Variants in DBNL observed in about 807,000 individuals in gnomAD.
DBNL encodes the protein drebrin-like protein.
DBNL carries 35 observed loss-of-function variants against 62.2 expected under a neutral mutation model. That is an observed-to-expected ratio of 0.56 (90% CI 0.43 to 0.75). The LOEUF (loss-of-function observed/expected upper bound fraction) is 0.75, where lower values mean the gene tolerates loss of function less well. Among genes scored for constraint, DBNL ranks in the 30% least tolerant of loss-of-function variants. DBNL has a pLI of 0.00. For missense variants in DBNL, 495 were observed against 578.4 expected, an observed-to-expected ratio of 0.86 and a Z score of 1.48; for synonymous variants, 197 against 218.0, an observed-to-expected ratio of 0.90 and a Z score of 0.85.
At position 44,065,352 on chromosome 7, in the gene DBNL, G is replaced by A. The variant is rs2096157795; in HGVS notation, c.*4436G>A. The A allele has an allele frequency of 6.2e-7, 1 of 1,613,730 alleles. No individual in the cohort carries two copies. Among genetic ancestry groups the A allele is most frequent in the Admixed American group, 1.7e-5 (1 of 60,016 alleles). On this transcript the variant is annotated 3_prime_UTR_variant, in exon 13 of 13. Transcript: ENST00000448521. ...CAGAGGGTGCGGATGGCCCGCTTCA[G>A]CACTGACGTGTAGCAGATGTCAAAC...
Position 44,068,189 on chromosome 7 carries a change from C to T in DBNL, c.*7273C>T, listed in dbSNP as rs1235723431. ...CCACCTTCTGCAGCTCCTTTCTGCC[C>T]CCCTGCGCTGGGCCCTGGATGCAGT... On this transcript the variant is annotated 3_prime_UTR_variant, in exon 13 of 13. Coordinates refer to ENST00000448521, the MANE Select transcript of DBNL (RefSeq NM_001014436.3). 1 of 152,114 alleles carries T rather than the reference C, an allele frequency of 6.6e-6. No individual in the cohort carries two copies. Among genetic ancestry groups the T allele is most frequent in the Non-Finnish European group, 1.5e-5 (1 of 68,062 alleles). The allele number at this position is 152,114 out of a possible 1,614,324, so 9.4% of individuals were successfully genotyped here.
chr7:44,051,846 G>C lies in DBNL; in HGVS notation c.156G>C (p.Glu52Asp). The C allele has an allele frequency of 1.2e-6, 2 of 1,614,150 alleles. No individual in the cohort carries two copies. The highest frequency in any genetic ancestry group is 8.5e-7 in the Non-Finnish European group (1 of 1,180,018). Residue 52 changes from glutamate (E) to aspartate (D), a missense_variant, in exon 3 of 13, where the codon GAG (glutamate) becomes GAC (aspartate). Physicochemically the swap from Glu to Asp is conservative, Grantham distance 45 (BLOSUM62 2). Transcript: ENST00000448521. Reference sequence around the variant, plus strand: ...CTGCTGCAGAGGGTGGCCTGGAGGAGATGGTGGAGGAGCTCAACAGCGGGA... The same window carrying C: ...CTGCTGCAGAGGGTGGCCTGGAGGACATGGTGGAGGAGCTCAACAGCGGGA... ...VAGTGEGGLE[E>D]MVEELNSGKV...
At chr7:44,050,324 A>T (rs762080110) in intron 2 of DBNL, 44 bp downstream of exon 2, 1 of 1,609,082 alleles carries the variant, frequency 6.2e-7, no homozygotes, top group South Asian at 1.1e-5. Flanking sequence ...AGGAGGTAGG[A>T]GGGTGACGAC....
Position 44,060,997 on chromosome 7 carries a change from A to G in DBNL, c.*81A>G, listed in dbSNP as rs1322131658. 4 of 1,532,620 alleles carry G rather than the reference A, an allele frequency of 2.6e-6. No individual in the cohort carries two copies. Among genetic ancestry groups the G allele is most frequent in the Non-Finnish European group, 3.5e-6 (4 of 1,138,894 alleles). The allele number at this position is 1,532,620 out of a possible 1,614,324, so 94.9% of individuals were successfully genotyped here. ...AGAGGAGGCCTGGGAGTTGACATTC[A>G]GCACTCTTCCAGGAATAGGACCCCC... On this transcript the variant is annotated 3_prime_UTR_variant, in exon 13 of 13. Coordinates refer to ENST00000448521, the MANE Select transcript of DBNL (RefSeq NM_001014436.3). This position sits in a 1 kb window ranked among gnomAD's most constrained non-coding sequence, Gnocchi z 6.3.
chr7:44,059,419 C>G lies in DBNL; in HGVS notation c.901C>G (p.Pro301Ala), dbSNP rs752627723. The G allele has an allele frequency of 3.7e-6, 6 of 1,613,996 alleles. No homozygotes were observed. The highest frequency in any genetic ancestry group is 4.2e-6 in the Non-Finnish European group (5 of 1,180,030). Residue 301 changes from proline (P) to alanine (A), a missense_variant, in exon 10 of 13, where the codon CCA becomes GCA. Coordinates refer to ENST00000448521, the MANE Select transcript of DBNL (RefSeq NM_001014436.3). This position sits in a 1 kb window ranked among gnomAD's most constrained non-coding sequence, Gnocchi z 4.1. The stretch of plus-strand genomic sequence containing the variant: ...ACCAGAGACCCACTTTGGCAGAGAG[C>G]CAGCTGCTGCCATCTCAAGGCCCAG... ...TQPETHFGRE[P>A]AAAISRPRAD...
intron 6 of DBNL, 72 bp downstream of exon 6, chr7:44,057,931 G>A (rs2096139507): frequency 6.3e-7 from 1 of 1,598,240 alleles, no homozygotes; most frequent in Admixed American, 1.7e-5. Flanking sequence ...TTCCTCACAA[G>A]TGAGCTCATG....
At chr7:44,048,404 T>C (rs1046893955) in intron 1 of DBNL, among the ~76,000 whole-genome samples, 3 of 152,252 alleles carry the variant, frequency 2.0e-5, no homozygotes, top group Non-Finnish European at 4.4e-5. Context: ...TTTTTCTGTG[T>C]TCTTTTCTCT....
rs1228643966 is a variant in DBNL, at chr7:44,051,928, G to C, written c.238G>C (p.Val80Leu). The change falls in exon 3 of 13, where the codon GTC becomes CTC. Residue 80 changes from valine (V) to leucine (L), a missense_variant. Val to Leu is a conservative substitution (Grantham distance 32). Transcript: ENST00000448521. ...CCCCAACTCTGGACTGCCCAAATTTGTCCTCATCAACTGGGTATGTGGAGC... is the reference window on the plus strand; with the variant it reads ...CCCCAACTCTGGACTGCCCAAATTTCTCCTCATCAACTGGGTATGTGGAGC... ...KDPNSGLPKF[V>L]LINWTGEGVN... 6.2e-7 allele frequency: 1 copy of C among 1,614,160 alleles called. No individual in the cohort carries two copies. Among genetic ancestry groups the C allele is most frequent in the Admixed American group, 1.7e-5 (1 of 60,012 alleles).
In DBNL at chr7:44,064,724, C is replaced by G; in HGVS notation, c.*3808C>G. On this transcript the variant is annotated 3_prime_UTR_variant, in exon 13 of 13. Transcript: ENST00000448521. ...TCCTTTTTCAGTGAATGATGTGGAG[C>G]CCCACGCCTAGAAAGCCTGGTCCAT... 1 of 959,730 alleles carries G rather than the reference C, an allele frequency of 1.0e-6. No homozygotes were observed. Among genetic ancestry groups the G allele is most frequent in the Admixed American group, 2.0e-5 (1 of 49,372 alleles). 59.5% of individuals were successfully genotyped at this position (959,730 alleles called of 1,614,324 possible). A position where few individuals can be genotyped will look rare whatever the true frequency, so the allele number is the denominator to read the frequency against.
Position 44,066,496 on chromosome 7 carries a change from G to A in DBNL, c.*5580G>A, listed in dbSNP as rs1314542198. 4 of 152,260 alleles carry A rather than the reference G, an allele frequency of 2.6e-5. No individual in the cohort carries two copies. Among genetic ancestry groups the A allele is most frequent in the Non-Finnish European group, 4.4e-5 (3 of 68,074 alleles). The allele number at this position is 152,260 out of a possible 1,614,324, so 9.4% of individuals were successfully genotyped here. On this transcript the variant is annotated 3_prime_UTR_variant, in exon 13 of 13. Coordinates refer to ENST00000448521, the MANE Select transcript of DBNL (RefSeq NM_001014436.3). ...TTGGGGCCCTAATGAAGGGGCCATG[G>A]CCAGACCCTTGGGCATGGGCCCCAT...
intron 1 of DBNL, among the ~76,000 whole-genome samples, chr7:44,049,290 G>A (rs1171036217): frequency 6.6e-6 from 1 of 152,146 alleles, no homozygotes; most frequent in Non-Finnish European, 1.5e-5. Context: ...CTGAGTAGCT[G>A]GGACTACAGG....
chr7:44,057,792 A>G lies in DBNL; in HGVS notation c.485A>G (p.Tyr162Cys), dbSNP rs774834305. The G allele has an allele frequency of 1.9e-6, 3 of 1,614,018 alleles. No individual in the cohort carries two copies. The highest frequency in any genetic ancestry group is 1.7e-5 in the Admixed American group (1 of 60,000). Residue 162 changes from tyrosine (Y) to cysteine (C), a missense_variant, in exon 6 of 13, where the codon TAC (tyrosine) becomes TGC (cysteine). By Grantham distance (194) the Tyr-to-Cys change is radical. Coordinates refer to ENST00000448521, the MANE Select transcript of DBNL (RefSeq NM_001014436.3). Reference sequence around the variant, plus strand: ...TGCTGTCCCCTACAGGGCTCTGTGTACCAGAAGACCAATGCCGTGTCTGAG... The same window carrying G: ...TGCTGTCCCCTACAGGGCTCTGTGTGCCAGAAGACCAATGCCGTGTCTGAG... Reference protein sequence around the residue: ...VGPQAPVGSVYQKTNAVSEIK... With the variant: ...VGPQAPVGSVCQKTNAVSEIK...
rs570185185 is a variant in DBNL, at chr7:44,059,026, T to A, written c.835+43T>A. The stretch of plus-strand genomic sequence containing the variant: ...GCCTGGCCATGAGGCAGCAGCAGGC[T>A]GAGGGGGAGCCTGGGGTCCTATGTG... On this transcript the variant is annotated intron_variant, in intron 9 of 12. Coordinates refer to ENST00000448521, the MANE Select transcript of DBNL (RefSeq NM_001014436.3). This position sits in a 1 kb window ranked among gnomAD's most constrained non-coding sequence, Gnocchi z 4.1. The A allele has an allele frequency of 1.9e-6, 3 of 1,606,266 alleles. No individual in the cohort carries two copies. Among genetic ancestry groups the A allele is most frequent in the Non-Finnish European group, 2.6e-6 (3 of 1,173,926 alleles).
intron 5 of DBNL, 102 bp downstream of exon 5, chr7:44,057,005 C>A: frequency 6.6e-7 from 1 of 1,524,414 alleles, no homozygotes; most frequent in Admixed American, 1.8e-5. Flanking sequence ...TGGGCCCATG[C>A]CTGCTTAGTT....
intron 5 of DBNL, among the ~76,000 whole-genome samples, 187 bp downstream of exon 5, chr7:44,057,090 C>T (rs947333823): frequency 6.6e-6 from 1 of 152,250 alleles, no homozygotes; most frequent in African/African-American, 2.4e-5. Flanking sequence ...CTGACCTTGC[C>T]TAGGGGTTGG....
intron 2 of DBNL, chr7:44,051,487 T>G: frequency 5.0e-6 from 1 of 200,934 alleles, no homozygotes; most frequent in Non-Finnish European, 1.0e-5. Flanking sequence ...CCATCCTCCA[T>G]TTGGAAGTCT....
chr7:44,058,337 C>G, intron 7 of DBNL, 57 bp downstream of exon 7: 2 of 1,598,538 alleles, frequency 1.3e-6, no homozygotes, highest in Non-Finnish European at 1.7e-6. Flanking sequence ...TGCTGGGCAC[C>G]TGCTCCATCC....
At position 44,059,905 on chromosome 7, in the gene DBNL, C is replaced by G; in HGVS notation, c.1048-143C>G. ...CTGTGGCTTCTGTACTCTGGTAGGGCGGGGACAGCAGCAGCCCAGCCCCCG... is the reference window on the plus strand; with the variant it reads ...CTGTGGCTTCTGTACTCTGGTAGGGGGGGGACAGCAGCAGCCCAGCCCCCG... On this transcript the variant is annotated intron_variant, in intron 11 of 12. Transcript: ENST00000448521. The surrounding 1 kb of genome is among the most constrained non-coding windows in gnomAD (Gnocchi z 4.1). The G allele has an allele frequency of 1.2e-6, 1 of 849,902 alleles. No homozygotes were observed. 52.6% of individuals were successfully genotyped at this position (849,902 alleles called of 1,614,324 possible).
chr7:44,057,804 A>G lies in DBNL; in HGVS notation c.497A>G (p.Asn166Ser). The change falls in exon 6 of 13, where the codon AAT becomes AGT. Residue 166 changes from asparagine to serine, a missense_variant. By Grantham distance (46) the Asn-to-Ser change is conservative. Coordinates refer to ENST00000448521, the MANE Select transcript of DBNL (RefSeq NM_001014436.3). The stretch of plus-strand genomic sequence containing the variant: ...CAGGGCTCTGTGTACCAGAAGACCA[A>G]TGCCGTGTCTGAGATTAAAAGGGTT... ...APVGSVYQKT[N>S]AVSEIKRVGK... 1.9e-6 allele frequency: 3 copies of G among 1,614,228 alleles called. No individual in the cohort carries two copies. Among genetic ancestry groups the G allele is most frequent in the Non-Finnish European group, 2.5e-6 (3 of 1,180,032 alleles).
Sources: allele counts gnomAD v4.1 joint callset (sites outside exome capture counted in the v4.1 genomes callset), GRCh38; gene constraint gnomAD v4.1.1; non-coding constraint Gnocchi (gnomAD v3.1); transcripts MANE v1.5; gene names NCBI Gene and HGNC (gene_info 2026-07-23, HGNC 2026-07-21).